Variants in CAMK1D observed in about 807,000 individuals in gnomAD.
CAMK1D encodes the protein calcium/calmodulin-dependent protein kinase type 1D.
CAMK1D carries 9 observed loss-of-function variants against 47.7 expected under a neutral mutation model. The ratio of observed to expected loss-of-function variants is 0.19; its 90% CI spans 0.11 to 0.33. The LOEUF (loss-of-function observed/expected upper bound fraction) is 0.33, where lower values mean the gene tolerates loss of function less well. Ranked by LOEUF, CAMK1D falls within the 10% of genes least tolerant of loss-of-function variation. The pLI, the probability that CAMK1D is intolerant of heterozygous loss-of-function variation, is 1.00. For synonymous variants in CAMK1D, 184 were observed against 184.9 expected, an observed-to-expected ratio of 0.99 and a Z score of 0.04; for missense variants, 291 against 488.7, an observed-to-expected ratio of 0.60 and a Z score of 3.81.
At chr10:12,531,744 C>T (rs950226167) in intron 1 of CAMK1D, among the ~76,000 whole-genome samples, 1 of 152,220 alleles carries the variant, frequency 6.6e-6, no homozygotes, top group Non-Finnish European at 1.5e-5. Flanking sequence ...CCCCTGACAT[C>T]GCCCGGCCTG....
At chr10:12,582,085 C>A (rs11257904) in intron 2 of CAMK1D, among the ~76,000 whole-genome samples, 1 of 151,946 alleles carries the variant, frequency 6.6e-6, no homozygotes, top group Non-Finnish European at 1.5e-5. Flanking sequence ...GGATGAGGAT[C>A]TAGTTTCATT....
chr10:12,694,560 AAT>A (rs1349279190), intron 3 of CAMK1D, among the ~76,000 whole-genome samples: 1 of 79,470 alleles, frequency 1.3e-5, no homozygotes, highest in African/African-American at 5.0e-5. Flanking sequence ...TTATATATAA[AAT>A]ATATAATATA....
At chr10:12,541,450 G>A (rs779735727) in intron 1 of CAMK1D, among the ~76,000 whole-genome samples, 9 of 152,116 alleles carry the variant, frequency 5.9e-5, no homozygotes, top group Non-Finnish European at 1.2e-4. Flanking sequence ...TGCAACCTCC[G>A]CTGCCTGGGT....
rs192420113 is a variant in CAMK1D at position 12,359,847 on chromosome 10, A to G, written c.92+9937A>G. 1.8e-3 allele frequency among the ~76,000 whole-genome samples: 268 copies of G among 152,328 alleles called. 3 individuals carry two copies. Among genetic ancestry groups the G allele is most frequent in the African/African-American group, 6.0e-3 (248 of 41,572 alleles). On this transcript the variant is annotated intron_variant, in intron 1 of 10. Transcript: ENST00000619168. ...AGAGTATTTAAAAATGGCAGCATGC[A>G]TATGTATATACCCCATAAGCATATG...
chr10:12,592,737 T>G (rs1248491599), intron 2 of CAMK1D, among the ~76,000 whole-genome samples: 2 of 152,236 alleles, frequency 1.3e-5, no homozygotes, highest in African/African-American at 4.8e-5. Context: ...AATGCCAGCC[T>G]ACTGCTACTA....
At chr10:12,770,158 G>A (rs979099394) in intron 5 of CAMK1D, among the ~76,000 whole-genome samples, 1 of 152,208 alleles carries the variant, frequency 6.6e-6, no homozygotes, top group Non-Finnish European at 1.5e-5. Flanking sequence ...TGAGATAACA[G>A]TAAGGTGCAC....
At chr10:12,795,601 G>C (rs1038691314) in intron 6 of CAMK1D, among the ~76,000 whole-genome samples, 3 of 152,210 alleles carry the variant, frequency 2.0e-5, no homozygotes, top group African/African-American at 7.2e-5. Context: ...TGATAAACCT[G>C]TCACGCTGAG....
At chr10:12,495,261 C>G (rs889544921) in intron 1 of CAMK1D, among the ~76,000 whole-genome samples, 1 of 152,150 alleles carries the variant, frequency 6.6e-6, no homozygotes, top group Non-Finnish European at 1.5e-5. Flanking sequence ...CTTCAACTTA[C>G]TTTTTAAAAA....
At chr10:12,521,680 G>A (rs1243707947) in intron 1 of CAMK1D, among the ~76,000 whole-genome samples, 2 of 152,096 alleles carry the variant, frequency 1.3e-5, no homozygotes, top group Admixed American at 1.3e-4. Flanking sequence ...TACCAAGAAA[G>A]GGGTGTTGAA....
At chr10:12,696,491 C>T (rs762061648) in intron 3 of CAMK1D, among the ~76,000 whole-genome samples, 7 of 151,894 alleles carry the variant, frequency 4.6e-5, no homozygotes, top group Non-Finnish European at 8.8e-5. Flanking sequence ...GAGCCTATAT[C>T]GTGCCATTGC....
intron 1 of CAMK1D, among the ~76,000 whole-genome samples, chr10:12,504,747 T>C (rs1834818539): frequency 6.6e-6 from 1 of 152,182 alleles, no homozygotes; most frequent in Admixed American, 6.5e-5. Flanking sequence ...TTTAGGCTAC[T>C]TTCTCTTACT....
At chr10:12,650,800 C>G (rs985519581) in intron 2 of CAMK1D, among the ~76,000 whole-genome samples, 8 of 152,200 alleles carry the variant, frequency 5.3e-5, no homozygotes, top group Non-Finnish European at 1.0e-4. Context: ...ATCAGCTCTG[C>G]AGACACTTAG....
intron 1 of CAMK1D, among the ~76,000 whole-genome samples, chr10:12,547,474 C>G (rs1211407415): frequency 2.0e-5 from 3 of 152,148 alleles, no homozygotes; most frequent in African/African-American, 7.2e-5. Context: ...TGTTTTACAG[C>G]CTATAGAGTG....
intron 6 of CAMK1D, among the ~76,000 whole-genome samples, chr10:12,810,151 T>TA (rs749675063): frequency 0.024 from 1,964 of 81,402 alleles, 74 homozygotes; most frequent in African/African-American, 0.066. Context: ...CCTGTCTCAT[T>TA]AAAAAAAAAA....
At chr10:12,415,241 A>G (rs1839802381) in intron 1 of CAMK1D, among the ~76,000 whole-genome samples, 1 of 118,262 alleles carries the variant, frequency 8.5e-6, no homozygotes, top group East Asian at 2.5e-4. Context: ...TCTGCTAGCC[A>G]TTTCCTTGAG....
intron 2 of CAMK1D, 88 bp downstream of exon 2, chr10:12,553,444 C>T (rs1077744): frequency 0.31 from 361,449 of 1,158,734 alleles, 58,446 homozygotes; most frequent in Non-Finnish European, 0.32. Flanking sequence ...AGACTTTCCC[C>T]GGGGGCAGAG....
chr10:12,675,448 C>T (rs949722107), intron 3 of CAMK1D, among the ~76,000 whole-genome samples: 20 of 152,286 alleles, frequency 1.3e-4, no homozygotes, highest in Admixed American at 7.2e-4. Context: ...ATGGCAACTC[C>T]ATTCTTCCAG....
At chr10:12,788,728 A>G (rs1837844398) in intron 5 of CAMK1D, among the ~76,000 whole-genome samples, 1 of 152,198 alleles carries the variant, frequency 6.6e-6, no homozygotes, top group South Asian at 2.1e-4. Context: ...CCATAAGACA[A>G]GAGTCTTGAG....
chr10:12,698,195 T>C (rs1833371494), intron 3 of CAMK1D, among the ~76,000 whole-genome samples: 1 of 152,202 alleles, frequency 6.6e-6, no homozygotes, highest in Non-Finnish European at 1.5e-5. Flanking sequence ...ATTTGATGCA[T>C]AAACTCATGA....
Sources: gnomAD v4.1 joint callset for allele counts (sites outside exome capture counted in the v4.1 genomes callset) on GRCh38, gnomAD v4.1.1 for gene constraint, MANE v1.5 for transcripts, NCBI Gene and HGNC (gene_info 2026-07-23, HGNC 2026-07-21) for gene names.